CRHR2: variants seen among roughly 807,000 people sequenced by gnomAD.
CRHR2 encodes corticotropin releasing hormone receptor 2.
CRHR2 carries 53 observed loss-of-function variants against 57.9 expected under a neutral mutation model. The observed-to-expected ratio is 0.92, with a 90% CI of 0.73 to 1.15. CRHR2 has a LOEUF of 1.15. Ranked by LOEUF, CRHR2 falls within the 50% of genes most tolerant of loss-of-function variation. CRHR2 has a pLI of 0.00. For missense variants in CRHR2, 532 were observed against 542.6 expected, an observed-to-expected ratio of 0.98 and a Z score of 0.19; for synonymous variants, 213 against 220.9, an observed-to-expected ratio of 0.96 and a Z score of 0.32.
At position 30,655,094 on chromosome 7, in the gene CRHR2, A is replaced by G. The variant is rs901580024; in HGVS notation, c.1054-14T>C. The G allele has an allele frequency of 2.5e-6, 4 of 1,612,660 alleles. No individual in the cohort carries two copies. The highest frequency in any genetic ancestry group is 3.4e-6 in the Non-Finnish European group (4 of 1,179,308). ...CACGAAGAAACCCTGGAAAGGAGGG[A>G]AAGGAGGGAGTGGTCAGTGACCTAC... On this transcript the variant is annotated splice_polypyrimidine_tract_variant and intron_variant, in intron 10 of 11. Coordinates refer to ENST00000471646, the MANE Select transcript of CRHR2 (RefSeq NM_001883.5).
chr7:30,656,153 C>A lies in CRHR2; in HGVS notation c.832-141G>T, dbSNP rs548906736. On this transcript the variant is annotated intron_variant, in intron 8 of 11. Transcript: ENST00000471646. This position sits in a 1 kb window ranked among gnomAD's most constrained non-coding sequence, Gnocchi z 4.4. ...CCTATCCTACCTGTCCCCCTAGCAC[C>A]TGCCAGCATCCCAAGGCCTGTGCTC... 1 of 730,886 alleles carries A rather than the reference C, an allele frequency of 1.4e-6. No individual in the cohort carries two copies. The highest frequency in any genetic ancestry group is 2.3e-6 in the Non-Finnish European group (1 of 426,596). 45.3% of individuals were successfully genotyped at this position (730,886 alleles called of 1,614,324 possible). A position where few individuals can be genotyped will look rare whatever the true frequency, so the allele number is the denominator to read the frequency against.
intron 10 of CRHR2, 125 bp from the exon 11 acceptor site, chr7:30,655,205 G>C (rs1783736479): frequency 1.8e-6 from 2 of 1,083,802 alleles, no homozygotes; most frequent in Non-Finnish European, 1.4e-6. Context: ...CCTGGAGTCA[G>C]AGCTGGGTGG....
intron 2 of CRHR2, among the ~76,000 whole-genome samples, chr7:30,673,306 C>G (rs1279464954): frequency 6.6e-6 from 1 of 152,048 alleles, no homozygotes; most frequent in Non-Finnish European, 1.5e-5. Flanking sequence ...AACTCCTATA[C>G]TCAAGTGATC....
At chr7:30,677,297 G>A (rs1784548999) in intron 2 of CRHR2, among the ~76,000 whole-genome samples, 1 of 152,136 alleles carries the variant, frequency 6.6e-6, no homozygotes, top group South Asian at 2.1e-4. Context: ...AACAGACAGG[G>A]AGACAATGAG....
chr7:30,683,422 C>T (rs1784789652), upstream of CRHR2, among the ~76,000 whole-genome samples: 1 of 152,174 alleles, frequency 6.6e-6, no homozygotes, highest in South Asian at 2.1e-4. Flanking sequence ...GCCCAGGCCC[C>T]CCACCCCACC....
At position 30,665,252 on chromosome 7, in the gene CRHR2, A is replaced by C; in HGVS notation, c.426-65T>G. On this transcript the variant is annotated intron_variant, in intron 4 of 11. Transcript: ENST00000471646. This position sits in a 1 kb window ranked among gnomAD's most constrained non-coding sequence, Gnocchi z 4.5. The stretch of plus-strand genomic sequence containing the variant: ...GTCAACTGGGACTGGGTTCCCCCTG[A>C]GGCCAGGTAGAGACTCAGCCTGGGA... 1 of 1,392,534 alleles carries C rather than the reference A, an allele frequency of 7.2e-7. No homozygotes were observed. The highest frequency in any genetic ancestry group is 1.0e-6 in the Non-Finnish European group (1 of 981,678). 86.3% of individuals were successfully genotyped at this position (1,392,534 alleles called of 1,614,324 possible).
In CRHR2 at chr7:30,662,005, A is replaced by G. The variant is rs186041063; in HGVS notation, c.758+151T>C. ...TGTGAGTACCTCTGAGTGCAGGACT[A>G]TTTTTTTCAATTTAAGGACAACAGG... is the stretch of plus-strand genomic sequence containing the variant. On this transcript the variant is annotated intron_variant, in intron 7 of 11. Coordinates refer to ENST00000471646, the MANE Select transcript of CRHR2 (RefSeq NM_001883.5). 2,293 of 760,110 alleles carry G rather than the reference A, an allele frequency of 3.0e-3. 32 individuals are homozygous for G. Among genetic ancestry groups the G allele is most frequent in the Admixed American group, 2.2e-3 (86 of 39,144 alleles). 47.1% of individuals were successfully genotyped at this position (760,110 alleles called of 1,614,324 possible). A position where few individuals can be genotyped will look rare whatever the true frequency, so the allele number is the denominator to read the frequency against.
At chr7:30,664,731 C>G (rs914005563) in intron 5 of CRHR2, among the ~76,000 whole-genome samples, 1 of 152,000 alleles carries the variant, frequency 6.6e-6, no homozygotes, top group Non-Finnish European at 1.5e-5. Flanking sequence ...ATGGGTCAGC[C>G]AAGGAGCAGC....
At chr7:30,687,923 C>A (rs557308680) in intron 2 of CRHR2, among the ~76,000 whole-genome samples, 1 of 152,312 alleles carries the variant, frequency 6.6e-6, no homozygotes, top group Admixed American at 6.5e-5. Flanking sequence ...TCTCATTCAG[C>A]CTTCACTGTG....
intron 1 of CRHR2, among the ~76,000 whole-genome samples, chr7:30,693,255 C>A (rs371120313): frequency 1.2e-3 from 188 of 152,314 alleles, no homozygotes; most frequent in African/African-American, 4.2e-3. Flanking sequence ...TCTTGGTGGG[C>A]TGCCAAATGC....
At chr7:30,674,363 C>T (rs779867717) in intron 2 of CRHR2, among the ~76,000 whole-genome samples, 1 of 152,184 alleles carries the variant, frequency 6.6e-6, no homozygotes, top group Non-Finnish European at 1.5e-5. Flanking sequence ...TCAGTGGGCT[C>T]GTCGCCATGA....
chr7:30,667,279 C>A lies in CRHR2; in HGVS notation c.264G>T (p.Thr88=). The A allele has an allele frequency of 6.2e-7, 1 of 1,614,174 alleles. No individual in the cohort carries two copies. Among genetic ancestry groups the A allele is most frequent in the Non-Finnish European group, 8.5e-7 (1 of 1,180,036 alleles). ...GTGAGTAGTTGATCTTTGAGGCCCA[C>A]GTCCCATTCTCCAAGCATTCTCGAT... ...NAYRECLENG[T]WASKINYSQC... is the part of the protein sequence containing the mutation. The change falls in exon 3 of 12, where the codon ACG becomes ACT. Residue 88 remains threonine (T), a synonymous_variant. Coordinates refer to ENST00000471646, the MANE Select transcript of CRHR2 (RefSeq NM_001883.5).
rs964177820 is a variant in CRHR2, at chr7:30,656,944, C to T, written c.832-932G>A. The stretch of plus-strand genomic sequence containing the variant: ...ATCTGCGTTTCTCTTCACCTGCCTC[C>T]GAGCATAGGCAGGCAGGCAGGCAAG... On this transcript the variant is annotated intron_variant, in intron 8 of 11. Transcript: ENST00000471646. The surrounding 1 kb of genome is among the most constrained non-coding windows in gnomAD (Gnocchi z 4.4). Among the ~76,000 whole-genome samples the T allele has an allele frequency of 4.6e-5, 7 of 152,246 alleles. No homozygotes were observed. The highest frequency in any genetic ancestry group is 8.8e-5 in the Non-Finnish European group (6 of 68,004).
Position 30,653,722 on chromosome 7 carries a change from G to T in CRHR2, c.1096-122C>A. On this transcript the variant is annotated intron_variant, in intron 11 of 11. Transcript: ENST00000471646. This position sits in a 1 kb window ranked among gnomAD's most constrained non-coding sequence, Gnocchi z 5.0. The stretch of plus-strand genomic sequence containing the variant: ...CCACCCTCATGACAAGGAACTGTCT[G>T]CTTCCAAAACAGGTCCTTCCCTGAT... 1 of 1,256,480 alleles carries T rather than the reference G, an allele frequency of 8.0e-7. No individual in the cohort carries two copies. Among genetic ancestry groups the T allele is most frequent in the Non-Finnish European group, 1.1e-6 (1 of 935,694 alleles). The allele number at this position is 1,256,480 out of a possible 1,614,324, so 77.8% of individuals were successfully genotyped here. A position where few individuals can be genotyped will look rare whatever the true frequency, so the allele number is the denominator to read the frequency against.
chr7:30,670,110 TTA>T (rs774549431), intron 2 of CRHR2, among the ~76,000 whole-genome samples: 31 of 152,060 alleles, frequency 2.0e-4, no homozygotes, highest in Non-Finnish European at 3.4e-4. Context: ...CACATACATT[TTA>T]TGTTATAATC....
Position 30,665,770 on chromosome 7 carries a change from T to G in CRHR2, c.316-131A>C. ...GTGCTCCAGGTGTCATTGCCGTGCC[T>G]GGCTCTTAGGGTTCGTTCCTGTTGG... On this transcript the variant is annotated intron_variant, in intron 3 of 11. Coordinates refer to ENST00000471646, the MANE Select transcript of CRHR2 (RefSeq NM_001883.5). This position sits in a 1 kb window ranked among gnomAD's most constrained non-coding sequence, Gnocchi z 4.5. The G allele has an allele frequency of 1.4e-6, 1 of 714,326 alleles. No individual in the cohort carries two copies. The highest frequency in any genetic ancestry group is 2.7e-5 in the Admixed American group (1 of 37,446). The allele number at this position is 714,326 out of a possible 1,614,324, so 44.2% of individuals were successfully genotyped here. A position where few individuals can be genotyped will look rare whatever the true frequency, so the allele number is the denominator to read the frequency against.
At chr7:30,682,546 C>T (rs1281611689), upstream of CRHR2, 30 of 1,228,804 alleles carry the variant, frequency 2.4e-5, no homozygotes, top group Non-Finnish European at 1.8e-5. Flanking sequence ...GGGGGCGGGG[C>T]CGGGCGGCTC....
chr7:30,665,160 A>T lies in CRHR2; in HGVS notation c.453T>A (p.Ile151=). ...LRSIRCLRNV[I]HWNLITTFIL... ...TAAAGGTGGTGATGAGGTTCCAGTGAATCACATTCCGCAGACAGCGAATGC... is the reference window on the plus strand; with the variant it reads ...TAAAGGTGGTGATGAGGTTCCAGTGTATCACATTCCGCAGACAGCGAATGC... Residue 151 remains isoleucine, a synonymous_variant, in exon 5 of 12, where the codon ATT becomes ATA. Coordinates refer to ENST00000471646, the MANE Select transcript of CRHR2 (RefSeq NM_001883.5). The surrounding 1 kb of genome is among the most constrained non-coding windows in gnomAD (Gnocchi z 4.5). The T allele has an allele frequency of 6.2e-7, 1 of 1,614,108 alleles. No homozygotes were observed. Among genetic ancestry groups the T allele is most frequent in the Non-Finnish European group, 8.5e-7 (1 of 1,180,008 alleles).
At chr7:30,692,647 A>G (rs1298586331) in intron 1 of CRHR2, among the ~76,000 whole-genome samples, 2 of 152,194 alleles carry the variant, frequency 1.3e-5, no homozygotes, top group Admixed American at 1.3e-4. Context: ...TGGAGGTGCC[A>G]AGAGAAGAAG....
Sources: gnomAD v4.1 joint callset for allele counts (sites outside exome capture counted in the v4.1 genomes callset) on GRCh38, gnomAD v4.1.1 for gene constraint, Gnocchi (gnomAD v3.1) non-coding constraint, MANE v1.5 for transcripts, NCBI Gene and HGNC (gene_info 2026-07-23, HGNC 2026-07-21) for gene names.